The following CHRM3 variants were observed in gnomAD, a reference collection of about 807,000 sequenced individuals.
The protein encoded by CHRM3 is muscarinic acetylcholine receptor M3.
In CHRM3, 11 loss-of-function variants were observed where a neutral mutation model predicts 41.8. The observed-to-expected ratio is 0.26, with a 90% CI of 0.17 to 0.44. The LOEUF (loss-of-function observed/expected upper bound fraction) is 0.44. Ranked by LOEUF, CHRM3 falls within the 20% of genes least tolerant of loss-of-function variation. CHRM3 has a pLI of 1.00. For synonymous variants in CHRM3, 297 were observed against 301.4 expected (o/e 0.99, Z 0.15); for missense variants, 571 against 745.4 (o/e 0.77, Z 2.72).
At chr1:239,431,033 A>G (rs1410023443) in intron 1 of CHRM3, among the ~76,000 whole-genome samples, 1 of 152,124 alleles carries the variant, frequency 6.6e-6, no homozygotes, top group African/African-American at 2.4e-5. Context: ...TCTGTGCCCC[A>G]TCCATACATT....
chr1:239,666,812 A>C (rs1268647590), intron 4 of CHRM3, among the ~76,000 whole-genome samples: 1 of 152,092 alleles, frequency 6.6e-6, no homozygotes, highest in African/African-American at 2.4e-5. Flanking sequence ...TTAGTTTCTC[A>C]ACATTTCCCC....
chr1:239,759,070 G>A (rs1042934810), intron 5 of CHRM3, among the ~76,000 whole-genome samples: 4 of 151,144 alleles, frequency 2.6e-5, no homozygotes, highest in South Asian at 2.1e-4. Context: ...AAGCATTCAG[G>A]TTTATTAAAT....
intron 3 of CHRM3, chr1:239,546,750 G>T (rs1246179879): frequency 6.6e-6 from 1 of 152,004 alleles, no homozygotes; most frequent in Non-Finnish European, 1.5e-5. Context: ...TTGTCTATTA[G>T]GTTTTTACAC....
At chr1:239,868,023 G>A (rs1255264983) in intron 6 of CHRM3, among the ~76,000 whole-genome samples, 4 of 152,256 alleles carry the variant, frequency 2.6e-5, no homozygotes, top group East Asian at 1.9e-4. Flanking sequence ...AGCATAAAAC[G>A]GGACCAAAGC....
intron 6 of CHRM3, among the ~76,000 whole-genome samples, chr1:239,835,955 A>T (rs1174841174): frequency 6.6e-6 from 1 of 152,272 alleles, no homozygotes; most frequent in African/African-American, 2.4e-5. Context: ...ACTTTGCATC[A>T]TGTCCTTGCC....
At chr1:239,559,625 T>G (rs1660678596) in intron 3 of CHRM3, among the ~76,000 whole-genome samples, 1 of 152,224 alleles carries the variant, frequency 6.6e-6, no homozygotes, top group South Asian at 2.1e-4. Flanking sequence ...ACCTCAAAAC[T>G]AAGACATTAT....
In CHRM3 at chr1:239,531,639, ATTTTTTTTTTTTTTTTTTT is replaced by A. The variant is rs58433814; in HGVS notation, c.-421-13983_-421-13965del. On this transcript the variant is annotated intron_variant, in intron 2 of 6. Coordinates refer to ENST00000676153, the MANE Select transcript of CHRM3 (RefSeq NM_001375978.1). Reference sequence around the variant, plus strand: ...ATAAAAACTAATCTCTCTAGAATGGATTTTTTTTTTTTTTTTTTTTTTTTTTTTTTTTTTTTTGGAGGCA... The same window carrying A: ...ATAAAAACTAATCTCTCTAGAATGGATTTTTTTTTTTTTTTTTTGGAGGCA... Among the ~76,000 whole-genome samples, 61 of 55,902 alleles carry A rather than the reference ATTTTTTTTTTTTTTTTTTT, an allele frequency of 1.1e-3. 1 individual carries two copies. In the East Asian group the frequency reaches 0.013, roughly 12 times the overall value. 36.7% of individuals were successfully genotyped at this position (55,902 alleles called of 152,430 possible). A position where few individuals can be genotyped will look rare whatever the true frequency, so the allele number is the denominator to read the frequency against.
intron 6 of CHRM3, among the ~76,000 whole-genome samples, chr1:239,840,051 G>T (rs1673664848): frequency 6.6e-6 from 1 of 152,040 alleles, no homozygotes; most frequent in Non-Finnish European, 1.5e-5. Flanking sequence ...TTTTACTCTA[G>T]AAACTGTAAA....
At chr1:239,471,043 G>A (rs991507462) in intron 1 of CHRM3, among the ~76,000 whole-genome samples, 3 of 152,132 alleles carry the variant, frequency 2.0e-5, no homozygotes, top group African/African-American at 7.2e-5. Context: ...GTATCAAATA[G>A]ATCATTTATA....
intron 1 of CHRM3, among the ~76,000 whole-genome samples, chr1:239,400,365 A>G (rs1659864273): frequency 1.3e-5 from 2 of 152,068 alleles, no homozygotes; most frequent in East Asian, 3.9e-4. Flanking sequence ...CCCTTGTCAG[A>G]TGGATAGTTT....
chr1:239,492,195 A>G (rs1667596638), intron 1 of CHRM3, among the ~76,000 whole-genome samples: 1 of 152,148 alleles, frequency 6.6e-6, no homozygotes, highest in African/African-American at 2.4e-5. Flanking sequence ...CTTTACTTCC[A>G]AAAAGTCAGC....
At chr1:239,421,783 C>G (rs1661972711) in intron 1 of CHRM3, among the ~76,000 whole-genome samples, 1 of 152,160 alleles carries the variant, frequency 6.6e-6, no homozygotes, top group Non-Finnish European at 1.5e-5. Flanking sequence ...CTCTATTTCT[C>G]TATATTAGGC....
chr1:239,509,083 A>G (rs1572544027), intron 2 of CHRM3, among the ~76,000 whole-genome samples: 1 of 152,216 alleles, frequency 6.6e-6, no homozygotes, highest in East Asian at 1.9e-4. Flanking sequence ...GCCAGGTATT[A>G]CAGTGATAAG....
chr1:239,422,609 C>T (rs1232286490), intron 1 of CHRM3, among the ~76,000 whole-genome samples: 1 of 151,990 alleles, frequency 6.6e-6, no homozygotes, highest in Non-Finnish European at 1.5e-5. Flanking sequence ...CCCTGGCTAA[C>T]ACAGTTAAAC....
intron 5 of CHRM3, among the ~76,000 whole-genome samples, chr1:239,800,395 G>A (rs889594927): frequency 5.3e-5 from 8 of 152,204 alleles, no homozygotes; most frequent in Admixed American, 5.2e-4. Flanking sequence ...AAATAGCACA[G>A]TGCCAGGCTC....
At chr1:239,440,352 G>A (rs1663618441) in intron 1 of CHRM3, among the ~76,000 whole-genome samples, 1 of 152,188 alleles carries the variant, frequency 6.6e-6, no homozygotes. Context: ...GCCAGGTGCA[G>A]TGGCTCATGC....
Position 239,647,601 on chromosome 1 carries a change from C to G in CHRM3, c.-250+15315C>G, listed in dbSNP as rs147754209. Among the ~76,000 whole-genome samples the G allele has an allele frequency of 7.1e-4, 108 of 152,224 alleles. 1 individual carries two copies. The Middle Eastern group carries it at 0.01, about 14-fold the overall frequency. ...CTTAACTTGACCTTCAGTCCAATGA[C>G]TCAAATCTGTGCCTCCGCTTAGACA... is the stretch of plus-strand genomic sequence containing the variant. On this transcript the variant is annotated intron_variant, in intron 4 of 6. Transcript: ENST00000676153.
chr1:239,481,592 C>T (rs1666857868), intron 1 of CHRM3, among the ~76,000 whole-genome samples: 1 of 152,130 alleles, frequency 6.6e-6, no homozygotes, highest in Non-Finnish European at 1.5e-5. Context: ...ATTTGTTGAA[C>T]TTTCAATTAA....
chr1:239,802,921 A>C (rs1006700402), intron 5 of CHRM3, among the ~76,000 whole-genome samples: 13 of 152,156 alleles, frequency 8.5e-5, no homozygotes, highest in African/African-American at 3.1e-4. Flanking sequence ...TCTAAATCTT[A>C]ATTTGAGATT....
Sources: gnomAD v4.1 joint callset for allele counts (sites outside exome capture counted in the v4.1 genomes callset) on GRCh38, gnomAD v4.1.1 for gene constraint, MANE v1.5 for transcripts, NCBI Gene and HGNC (gene_info 2026-07-23, HGNC 2026-07-21) for gene names.